The following ERBB4 variants were observed in gnomAD, a reference collection of about 807,000 sequenced individuals.
The protein encoded by ERBB4 is erb-b2 receptor tyrosine kinase 4.
In ERBB4, 42 loss-of-function variants were observed where a neutral mutation model predicts 158.0. That is an observed-to-expected ratio of 0.27 (90% CI 0.21 to 0.34). ERBB4 has a LOEUF of 0.34. ERBB4 is among the 10% of genes least tolerant of loss of function. The pLI, the probability that ERBB4 is intolerant of heterozygous loss-of-function variation, is 1.00. For missense variants in ERBB4, 1,333 were observed against 1,624.1 expected (o/e 0.82, Z 3.08); for synonymous variants, 583 against 558.7 (o/e 1.04, Z -0.61).
intron 20 of ERBB4, among the ~76,000 whole-genome samples, chr2:211,458,691 T>C (rs2064450872): frequency 6.6e-6 from 1 of 152,212 alleles, no homozygotes; most frequent in African/African-American, 2.4e-5. Context: ...TTTCTTGATA[T>C]CGTACTCCAT....
intron 1 of ERBB4, among the ~76,000 whole-genome samples, chr2:212,369,196 T>C (rs147953875): frequency 5.9e-5 from 9 of 152,338 alleles, no homozygotes; most frequent in African/African-American, 1.7e-4. Flanking sequence ...AAGAGATTAA[T>C]TTATTGATAA....
rs1043168687 is a variant in ERBB4 at position 211,938,676 on chromosome 2, TA to T, written c.421+8753del. ...TGAGAAGAATAGACATGCTTGACTA[TA>T]AAAATAATAATAATAATTGGCTTCA... On this transcript the variant is annotated intron_variant, in intron 3 of 27. Transcript: ENST00000342788. 2.1e-3 allele frequency among the ~76,000 whole-genome samples: 323 copies of T among 152,106 alleles called. 4 individuals are homozygous for T. Among genetic ancestry groups the T allele is most frequent in the African/African-American group, 7.4e-3 (307 of 41,492 alleles).
chr2:211,800,429 T>A (rs1045066522), intron 3 of ERBB4, among the ~76,000 whole-genome samples: 21 of 152,150 alleles, frequency 1.4e-4, no homozygotes, highest in African/African-American at 5.1e-4. Flanking sequence ...ATTTTTAGTC[T>A]GTGCTCTCCC....
chr2:211,826,240 C>CT (rs1402925998), intron 3 of ERBB4, among the ~76,000 whole-genome samples: 1 of 151,612 alleles, frequency 6.6e-6, no homozygotes, highest in African/African-American at 2.4e-5. Context: ...TCCTTCATTG[C>CT]TTTTTTTAAA....
Position 211,379,961 on chromosome 2 carries a change from T to C in ERBB4, c.*3654A>G, listed in dbSNP as rs1367796760. The stretch of plus-strand genomic sequence containing the variant: ...CACAGTCCTTTTCTTGATTTTTCCT[T>C]AGCATTGTAAGTATGCACAATCTTC... On this transcript the variant is annotated 3_prime_UTR_variant, in exon 28 of 28. Coordinates refer to ENST00000342788, the MANE Select transcript of ERBB4 (RefSeq NM_005235.3). 3 of 232,022 alleles carry C rather than the reference T, an allele frequency of 1.3e-5. No homozygotes were observed. Among genetic ancestry groups the C allele is most frequent in the Non-Finnish European group, 2.6e-5 (3 of 117,380 alleles). The allele number at this position is 232,022 out of a possible 1,614,324, so 14.4% of individuals were successfully genotyped here. A position where few individuals can be genotyped will look rare whatever the true frequency, so the allele number is the denominator to read the frequency against.
chr2:212,137,931 G>C (rs192433738), intron 1 of ERBB4, among the ~76,000 whole-genome samples: 3 of 152,054 alleles, frequency 2.0e-5, no homozygotes, highest in Non-Finnish European at 2.9e-5. Context: ...TCGTTTATTC[G>C]TTCTGTCACG....
intron 20 of ERBB4, among the ~76,000 whole-genome samples, chr2:211,488,372 T>G (rs1217219912): frequency 2.0e-5 from 3 of 152,142 alleles, no homozygotes; most frequent in Non-Finnish European, 4.4e-5. Flanking sequence ...GTATTCCTCA[T>G]TTCATTAGAT....
intron 2 of ERBB4, among the ~76,000 whole-genome samples, chr2:212,099,803 C>G (rs1330017830): frequency 6.6e-6 from 1 of 151,268 alleles, no homozygotes; most frequent in East Asian, 1.9e-4. Context: ...CTCTCTCCCT[C>G]TCTCTTTTCT....
chr2:211,685,588 T>G (rs1479727474), intron 12 of ERBB4, among the ~76,000 whole-genome samples: 1 of 152,232 alleles, frequency 6.6e-6, no homozygotes, highest in Non-Finnish European at 1.5e-5. Flanking sequence ...TTTCCAAAAT[T>G]GTTTTAGTTG....
intron 2 of ERBB4, among the ~76,000 whole-genome samples, chr2:211,979,892 T>C (rs573658756): frequency 6.6e-6 from 1 of 152,302 alleles, no homozygotes; most frequent in Non-Finnish European, 1.5e-5. Flanking sequence ...CATTATGAAC[T>C]CACCACATAG....
intron 1 of ERBB4, among the ~76,000 whole-genome samples, chr2:212,521,725 G>C (rs890492910): frequency 6.6e-6 from 1 of 151,844 alleles, no homozygotes. Flanking sequence ...TTTTAGATGG[G>C]ATGATTGAAG....
intron 25 of ERBB4, among the ~76,000 whole-genome samples, chr2:211,404,711 T>C (rs531946873): frequency 1.3e-5 from 2 of 152,062 alleles, no homozygotes; most frequent in East Asian, 1.9e-4. Flanking sequence ...AGAAGGAAAA[T>C]TATACAACAA....
intron 3 of ERBB4, among the ~76,000 whole-genome samples, chr2:211,946,576 CTTTTTTTTTTTTTTTTTTT>C (rs56007115): frequency 2.0e-5 from 1 of 49,568 alleles, no homozygotes. Context: ...AATTAGCTCT[CTTTTTTTTTTTTTTTTTTT>C]TTTTTTTTTT....
intron 1 of ERBB4, among the ~76,000 whole-genome samples, chr2:212,518,635 T>A (rs924297744): frequency 6.6e-6 from 1 of 152,046 alleles, no homozygotes; most frequent in African/African-American, 2.4e-5. Flanking sequence ...GATCTTTTTT[T>A]GCGAAGATCA....
intron 2 of ERBB4, among the ~76,000 whole-genome samples, chr2:212,022,419 A>G (rs1350523566): frequency 2.0e-5 from 3 of 152,158 alleles, no homozygotes; most frequent in Admixed American, 6.5e-5. Context: ...ATCCTCACCA[A>G]ATTAAAGCAG....
At chr2:212,048,691 C>T (rs767138336) in intron 2 of ERBB4, among the ~76,000 whole-genome samples, 12 of 152,184 alleles carry the variant, frequency 7.9e-5, no homozygotes, top group Non-Finnish European at 1.3e-4. Context: ...TATTCTACAT[C>T]AAAGTGAAGG....
intron 20 of ERBB4, among the ~76,000 whole-genome samples, chr2:211,507,180 G>A (rs762762941): frequency 1.1e-4 from 16 of 151,774 alleles, no homozygotes; most frequent in East Asian, 1.9e-4. Context: ...AATCCTAAAC[G>A]GACAAACAAT....
intron 5 of ERBB4, among the ~76,000 whole-genome samples, chr2:211,726,430 CTCT>C: frequency 6.6e-6 from 1 of 152,216 alleles, no homozygotes; most frequent in Non-Finnish European, 1.5e-5. Flanking sequence ...CAGAACATAA[CTCT>C]TCTTCCCACA....
intron 25 of ERBB4, among the ~76,000 whole-genome samples, chr2:211,411,212 T>C (rs1305350930): frequency 2.0e-5 from 3 of 152,144 alleles, no homozygotes; most frequent in Non-Finnish European, 4.4e-5. Flanking sequence ...CAGCCTAAGG[T>C]ACCGTGTTAA....
Sources: gnomAD v4.1 joint callset for allele counts (sites outside exome capture counted in the v4.1 genomes callset) on GRCh38, gnomAD v4.1.1 for gene constraint, MANE v1.5 for transcripts, NCBI Gene and HGNC (gene_info 2026-07-23, HGNC 2026-07-21) for gene names.